GFI1: variants seen among roughly 807,000 people sequenced by gnomAD.
GFI1 encodes the protein growth factor independent 1 transcriptional repressor.
GFI1 carries 15 observed loss-of-function variants against 39.2 expected under a neutral mutation model. The observed-to-expected ratio is 0.38, with a 90% CI of 0.26 to 0.59. The LOEUF is 0.59. GFI1 is among the 20% of genes least tolerant of loss of function. The pLI, the probability that GFI1 is intolerant of heterozygous loss-of-function variation, is 0.62. For synonymous variants in GFI1, 239 were observed against 254.3 expected (o/e 0.94, Z 0.57); for missense variants, 475 against 574.0 (o/e 0.83, Z 1.76).
Position 92,473,236 on chromosome 1 carries a change from A to G in GFI1, c.*2793T>C, listed in dbSNP as rs1252003520. Among the ~76,000 whole-genome samples, 3 of 151,926 alleles carry G rather than the reference A, an allele frequency of 2.0e-5. No individual in the cohort carries two copies. The highest frequency in any genetic ancestry group is 4.4e-5 in the Non-Finnish European group (3 of 68,004). On this transcript the variant is annotated 3_prime_UTR_variant, in exon 7 of 7. Transcript: ENST00000294702. ...AAAATTACAATTCCTCACTTAGAGCATAAACAGGGATAACAAAAATGGACC... is the reference window on the plus strand; with the variant it reads ...AAAATTACAATTCCTCACTTAGAGCGTAAACAGGGATAACAAAAATGGACC...
At chr1:92,478,180 C>T (rs144102613) in intron 6 of GFI1, among the ~76,000 whole-genome samples, 1 of 152,206 alleles carries the variant, frequency 6.6e-6, no homozygotes, top group African/African-American at 2.4e-5. Context: ...GGAGAGTCCA[C>T]ACGAGTCCCT....
At chr1:92,483,772 G>T in intron 1 of GFI1, 186 bp from the exon 2 acceptor site, 2 of 464,746 alleles carry the variant, frequency 4.3e-6, no homozygotes, top group East Asian at 4.2e-5. Context: ...ACCCGCCGTC[G>T]TTGCCGCCGC....
rs1658148967 is a variant in GFI1 at position 92,480,078 on chromosome 1, T to C, written c.924+270A>G. ...ACGAATCAGTGCATACAAACCTACC[T>C]CAAGCCCAAAGTAACAATGAGGATC... On this transcript the variant is annotated intron_variant, in intron 5 of 6. Transcript: ENST00000294702. The surrounding 1 kb of genome is among the most constrained non-coding windows in gnomAD (Gnocchi z 5.6). Among the ~76,000 whole-genome samples the C allele has an allele frequency of 6.6e-6, 1 of 152,096 alleles. No homozygotes were observed. Among genetic ancestry groups the C allele is most frequent in the South Asian group, 2.1e-4 (1 of 4,804 alleles).
At position 92,482,148 on chromosome 1, in the gene GFI1, C is replaced by T. The variant is rs1308712352; in HGVS notation, c.298+716G>A. Among the ~76,000 whole-genome samples, 1 of 152,030 alleles carries T rather than the reference C, an allele frequency of 6.6e-6. No homozygotes were observed. The highest frequency in any genetic ancestry group is 1.9e-4 in the East Asian group (1 of 5,176). On this transcript the variant is annotated intron_variant, in intron 3 of 6. Transcript: ENST00000294702. This position sits in a 1 kb window ranked among gnomAD's most constrained non-coding sequence, Gnocchi z 4.4. ...CCAAGTCAACTCACTGATTGTGGGA[C>T]GGGTGGTGGTATCTTCTAAAACTAG... is the stretch of plus-strand genomic sequence containing the variant.
chr1:92,478,778 AG>A, intron 5 of GFI1, 25 bp from the exon 6 acceptor site: 1 of 1,610,716 alleles, frequency 6.2e-7, no homozygotes, highest in Non-Finnish European at 8.5e-7. Context: ...AGAGAGAGAG[AG>A]AGAGAGAGAG....
chr1:92,485,953 G>T (rs555180365), intron 1 of GFI1: 1 of 152,442 alleles, frequency 6.6e-6, no homozygotes, highest in East Asian at 1.9e-4. Context: ...CCAGTGCTCT[G>T]CGAGTCCCCG....
chr1:92,478,892 A>T (rs1658094023), intron 5 of GFI1, 139 bp from the exon 6 acceptor site: 1 of 1,156,574 alleles, frequency 8.6e-7, no homozygotes, highest in South Asian at 1.5e-5. Flanking sequence ...TTTTTGAGAC[A>T]GTCTCCTCTG....
chr1:92,482,630 A>G lies in GFI1; in HGVS notation c.298+234T>C, dbSNP rs1658316343. ...GGCCAGCTCCGCGCAAACGAATCTAAGCGACAAGCAGCTAGGGTCCTGCCG... is the reference window on the plus strand; with the variant it reads ...GGCCAGCTCCGCGCAAACGAATCTAGGCGACAAGCAGCTAGGGTCCTGCCG... On this transcript the variant is annotated intron_variant, in intron 3 of 6. Transcript: ENST00000294702. The surrounding 1 kb of genome is among the most constrained non-coding windows in gnomAD (Gnocchi z 4.4). Among the ~76,000 whole-genome samples the G allele has an allele frequency of 6.6e-6, 1 of 152,206 alleles. No homozygotes were observed. The highest frequency in any genetic ancestry group is 1.5e-5 in the Non-Finnish European group (1 of 68,034).
chr1:92,483,680 A>T, intron 1 of GFI1, 94 bp from the exon 2 acceptor site: 1 of 636,830 alleles, frequency 1.6e-6, no homozygotes, highest in Admixed American at 2.2e-5. Context: ...CGGGCCAGGG[A>T]GGCGCGCAGA....
At chr1:92,483,329 G>A (rs1411877430) in intron 2 of GFI1, 44 bp downstream of exon 2, 4 of 1,064,296 alleles carry the variant, frequency 3.8e-6, no homozygotes, top group Non-Finnish European at 5.8e-6. Context: ...GGTGCAGTAG[G>A]CATCCGGGGG....
Position 92,473,928 on chromosome 1 carries a change from G to A in GFI1, c.*2101C>T, listed in dbSNP as rs546000580. Among the ~76,000 whole-genome samples, 1 of 152,198 alleles carries A rather than the reference G, an allele frequency of 6.6e-6. No homozygotes were observed. The highest frequency in any genetic ancestry group is 6.5e-5 in the Admixed American group (1 of 15,286). On this transcript the variant is annotated 3_prime_UTR_variant, in exon 7 of 7. Coordinates refer to ENST00000294702, the MANE Select transcript of GFI1 (RefSeq NM_005263.5). ...ACTGCTATATCTCCACCCCCTAGAAGAATGCCCAGCACATACTGGGTGCTC... is the reference window on the plus strand; with the variant it reads ...ACTGCTATATCTCCACCCCCTAGAAAAATGCCCAGCACATACTGGGTGCTC...
chr1:92,486,546 C>T (rs1400809269), intron 1 of GFI1, among the ~76,000 whole-genome samples, 180 bp downstream of exon 1: 4 of 150,042 alleles, frequency 2.7e-5, no homozygotes, highest in African/African-American at 7.4e-5. Flanking sequence ...CCGACCCCGC[C>T]GCCTCCTAGG....
At position 92,475,489 on chromosome 1, in the gene GFI1, T is replaced by C. The variant is rs1247189249; in HGVS notation, c.*540A>G. ...AGGAGGAGAAATGATTCCTCCAAGATTTATAGGCAGCACCCAAAAGAAAGG... is the reference window on the plus strand; with the variant it reads ...AGGAGGAGAAATGATTCCTCCAAGACTTATAGGCAGCACCCAAAAGAAAGG... On this transcript the variant is annotated 3_prime_UTR_variant, in exon 7 of 7. Coordinates refer to ENST00000294702, the MANE Select transcript of GFI1 (RefSeq NM_005263.5). 6.0e-6 allele frequency: 1 copy of C among 165,802 alleles called. No homozygotes were observed. Among genetic ancestry groups the C allele is most frequent in the Non-Finnish European group, 1.3e-5 (1 of 75,532 alleles). The allele number at this position is 165,802 out of a possible 1,614,324, so 10.3% of individuals were successfully genotyped here.
Position 92,481,056 on chromosome 1 carries a change from C to T in GFI1, c.331G>A (p.Glu111Lys). 1 of 1,611,792 alleles carries T rather than the reference C, an allele frequency of 6.2e-7. No individual in the cohort carries two copies. The highest frequency in any genetic ancestry group is 1.1e-5 in the South Asian group (1 of 91,000). Residue 111 changes from glutamate (E) to lysine (K), a missense_variant, in exon 4 of 7, where the codon GAA becomes AAA. By Grantham distance (56) the Glu-to-Lys change is moderately conservative. Transcript: ENST00000294702. The surrounding 1 kb of genome is among the most constrained non-coding windows in gnomAD (Gnocchi z 4.3). Reference protein sequence around the residue: ...SEKSMCPSLDEAQPFPLPFKP... With the variant: ...SEKSMCPSLDKAQPFPLPFKP... ...AAAGGCAGGGGGAAGGGCTGGGCTT[C>T]GTCCAGCGATGGGCACATTGACTTC... is the stretch of plus-strand genomic sequence containing the variant.
Position 92,482,693 on chromosome 1 carries a change from C to A in GFI1, c.298+171G>T, listed in dbSNP as rs1658319644. Among the ~76,000 whole-genome samples, 1 of 152,230 alleles carries A rather than the reference C, an allele frequency of 6.6e-6. No individual in the cohort carries two copies. The highest frequency in any genetic ancestry group is 2.4e-5 in the African/African-American group (1 of 41,462). ...GCAGCAGCCCCAGCGGGCAAGCTGT[C>A]CAAGTCCCAGAGAAGCCGGATGCCT... On this transcript the variant is annotated intron_variant, in intron 3 of 6. Transcript: ENST00000294702. This position sits in a 1 kb window ranked among gnomAD's most constrained non-coding sequence, Gnocchi z 4.4.
rs1190709799 is a variant in GFI1, at chr1:92,476,074, C to T, written c.1224G>A (p.Lys408=). 2 of 1,614,184 alleles carry T rather than the reference C, an allele frequency of 1.2e-6. No individual in the cohort carries two copies. The highest frequency in any genetic ancestry group is 2.2e-5 in the East Asian group (1 of 44,876). Residue 408 remains lysine, a synonymous_variant, in exon 7 of 7, where the codon AAG becomes AAA. Transcript: ENST00000294702. ...CDLCGKGFQR[K]VDLRRHRETQ... is the part of the protein sequence containing the mutation. ...TCTCCCGGTGCCTTCGGAGGTCCAC[C>T]TTCCTCTGGAAACCCTTCCCACAGA...
At position 92,482,751 on chromosome 1, in the gene GFI1, A is replaced by G. The variant is rs559490487; in HGVS notation, c.298+113T>C. 88 of 840,060 alleles carry G rather than the reference A, an allele frequency of 1.0e-4. No individual in the cohort carries two copies. Among genetic ancestry groups the G allele is most frequent in the Middle Eastern group, 8.8e-4 (3 of 3,398 alleles). The allele number at this position is 840,060 out of a possible 1,614,324, so 52.0% of individuals were successfully genotyped here. A position where few individuals can be genotyped will look rare whatever the true frequency, so the allele number is the denominator to read the frequency against. ...CTACGAATCAGCTCCCTTCTCCCGG[A>G]AAGACTCTCCAACTCCCCGTTAGCA... On this transcript the variant is annotated intron_variant, in intron 3 of 6. Transcript: ENST00000294702. This position sits in a 1 kb window ranked among gnomAD's most constrained non-coding sequence, Gnocchi z 4.4.
intron 6 of GFI1, 106 bp from the exon 7 acceptor site, chr1:92,476,313 C>A: frequency 9.4e-7 from 1 of 1,059,238 alleles, no homozygotes; most frequent in South Asian, 1.4e-5. Flanking sequence ...GCACCACAGT[C>A]TAAGGCCTTC....
Position 92,474,117 on chromosome 1 carries a change from A to T in GFI1, c.*1912T>A, listed in dbSNP as rs952793997. 3.3e-5 allele frequency among the ~76,000 whole-genome samples: 5 copies of T among 152,226 alleles called. No homozygotes were observed. Among genetic ancestry groups the T allele is most frequent in the Non-Finnish European group, 7.3e-5 (5 of 68,044 alleles). On this transcript the variant is annotated 3_prime_UTR_variant, in exon 7 of 7. Transcript: ENST00000294702. ...TTTCATTCTCTTAAAGGATTGACTT[A>T]TGCAAAAAACTCCCACAGGTGGGAC...
Sources: allele counts gnomAD v4.1 joint callset (sites outside exome capture counted in the v4.1 genomes callset), GRCh38; gene constraint gnomAD v4.1.1; non-coding constraint Gnocchi (gnomAD v3.1); transcripts MANE v1.5; gene names NCBI Gene and HGNC (gene_info 2026-07-23, HGNC 2026-07-21).